Variants in LCP1 observed in about 807,000 individuals in gnomAD.
LCP1 encodes the protein lymphocyte cytosolic protein 1, also known as plastin-2.
A neutral mutation model predicts 72.0 loss-of-function variants in LCP1; 23 were observed. The observed-to-expected ratio is 0.32, with a 90% CI of 0.23 to 0.45. LCP1 has a LOEUF of 0.45. Ranked by LOEUF, LCP1 falls within the 20% of genes least tolerant of loss-of-function variation. The pLI is 1.00. For synonymous variants in LCP1, 245 were observed against 275.4 expected, an observed-to-expected ratio of 0.89 and a Z score of 1.09; for missense variants, 571 against 748.3, an observed-to-expected ratio of 0.76 and a Z score of 2.76.
At chr13:46,127,773 C>T (rs112963970) in intron 15 of LCP1, 50 bp from the exon 16 acceptor site, 46 of 1,606,840 alleles carry the variant, frequency 2.9e-5, no homozygotes, top group African/African-American at 6.7e-5. Context: ...AAACACAACA[C>T]GAATGGGACC....
chr13:46,150,047 C>T (rs373057375), intron 8 of LCP1, among the ~76,000 whole-genome samples: 1 of 152,178 alleles, frequency 6.6e-6, no homozygotes, highest in Non-Finnish European at 1.5e-5. Context: ...GTTCTAAATG[C>T]CACTGAATGC....
At chr13:46,133,605 GAC>G (rs1439067958) in intron 14 of LCP1, among the ~76,000 whole-genome samples, 2 of 152,028 alleles carry the variant, frequency 1.3e-5, no homozygotes, top group South Asian at 4.1e-4. Flanking sequence ...CAGCCTGGGT[GAC>G]AGAGTGAGAC....
chr13:46,128,003 G>GTTTTTT (rs11398954), intron 15 of LCP1, among the ~76,000 whole-genome samples: 1 of 126,956 alleles, frequency 7.9e-6, no homozygotes, highest in Non-Finnish European at 1.7e-5. Context: ...TTTAAGTTAA[G>GTTTTTT]TTTTTTTTTT....
intron 1 of LCP1, among the ~76,000 whole-genome samples, chr13:46,176,303 G>A (rs987324078): frequency 6.6e-6 from 1 of 152,044 alleles, no homozygotes; most frequent in Non-Finnish European, 1.5e-5. Flanking sequence ...AACATTACTA[G>A]GTACCCCATA....
Position 46,158,518 on chromosome 13 carries a change from C to T in LCP1, c.358+4G>A. On this transcript the variant is annotated splice_donor_region_variant and intron_variant, in intron 4 of 15. Transcript: ENST00000323076. ...TCCTGCTCCAACCCAGGAGTTGAGC[C>T]TACCTGAATAGGAGTGTTGGGTGCC... is the stretch of plus-strand genomic sequence containing the variant. 6.2e-7 allele frequency: 1 copy of T among 1,612,882 alleles called. No homozygotes were observed. Among genetic ancestry groups the T allele is most frequent in the South Asian group, 1.1e-5 (1 of 90,630 alleles).
intron 3 of LCP1, 80 bp from the exon 4 acceptor site, chr13:46,158,731 C>T: frequency 1.2e-6 from 2 of 1,603,442 alleles, no homozygotes; most frequent in Non-Finnish European, 8.5e-7. Context: ...AATGTCGAAG[C>T]AAGGAGGTAA....
chr13:46,137,857 G>A (rs984754067), intron 13 of LCP1, among the ~76,000 whole-genome samples: 7 of 152,200 alleles, frequency 4.6e-5, no homozygotes, highest in African/African-American at 1.7e-4. Flanking sequence ...GATGAGGTTT[G>A]GATGTGAGGC....
chr13:46,157,937 G>T (rs143905785), intron 4 of LCP1, among the ~76,000 whole-genome samples: 148 of 152,118 alleles, frequency 9.7e-4, no homozygotes, highest in African/African-American at 3.2e-3. Flanking sequence ...ATGTTGCCCA[G>T]GCTAGTCTTT....
rs2045607918 is a variant in LCP1, at chr13:46,127,716, T to C, written c.1759A>G (p.Ile587Val). Residue 587 changes from isoleucine to valine, a missense_variant, in exon 16 of 16, where the codon ATC becomes GTC. Physicochemically the swap from Ile to Val is conservative, Grantham distance 29 (BLOSUM62 3). Transcript: ENST00000323076. ...GCTCCAATTTTTCGGGCCATAGAGA[T>C]GGCATATCTAAAAGGGAGAAAAGAG... is the stretch of plus-strand genomic sequence containing the variant. ...DEKLNNAKYAISMARKIGARV... is the reference protein window; with the variant it reads ...DEKLNNAKYAVSMARKIGARV... 1 of 1,614,118 alleles carries C rather than the reference T, an allele frequency of 6.2e-7. No individual in the cohort carries two copies.
At chr13:46,168,167 A>G (rs189938503) in intron 1 of LCP1, among the ~76,000 whole-genome samples, 1 of 152,336 alleles carries the variant, frequency 6.6e-6, no homozygotes, top group African/African-American at 2.4e-5. Flanking sequence ...TAGGCTGTGT[A>G]ACTTTAGGCT....
chr13:46,162,807 G>A (rs2045850296), intron 1 of LCP1, among the ~76,000 whole-genome samples: 2 of 152,038 alleles, frequency 1.3e-5, no homozygotes, highest in Admixed American at 6.6e-5. Context: ...CCCCGTCTGG[G>A]ATGTGAGGAG....
chr13:46,157,190 CAT>C (rs1462378985), intron 4 of LCP1, among the ~76,000 whole-genome samples: 2 of 151,108 alleles, frequency 1.3e-5, no homozygotes, highest in Non-Finnish European at 2.9e-5. Context: ...CAAATATATA[CAT>C]ATGTTTATTT....
intron 15 of LCP1, among the ~76,000 whole-genome samples, chr13:46,129,270 T>G (rs1391048073): frequency 6.6e-6 from 1 of 152,198 alleles, no homozygotes; most frequent in Non-Finnish European, 1.5e-5. Context: ...GGCTCTGAAG[T>G]TGGACTTTGA....
intron 1 of LCP1, among the ~76,000 whole-genome samples, chr13:46,163,653 CAAT>C (rs1236893564): frequency 1.6e-5 from 2 of 125,486 alleles, no homozygotes; most frequent in Non-Finnish European, 3.4e-5. Flanking sequence ...AAAAAAAAAA[CAAT>C]GAGTTATTAA....
intron 1 of LCP1, among the ~76,000 whole-genome samples, chr13:46,173,191 T>A (rs1299254083): frequency 6.6e-6 from 1 of 152,232 alleles, no homozygotes; most frequent in Non-Finnish European, 1.5e-5. Flanking sequence ...ATGAATCAAC[T>A]AGGCAGTGAC....
At chr13:46,177,986 A>C (rs2045939847) in intron 1 of LCP1, among the ~76,000 whole-genome samples, 1 of 152,188 alleles carries the variant, frequency 6.6e-6, no homozygotes, top group African/African-American at 2.4e-5. Flanking sequence ...TTTGAGCTCA[A>C]CTTGAGGGCT....
Position 46,128,380 on chromosome 13 carries a change from C to T in LCP1, c.1752-657G>A, listed in dbSNP as rs537580445. Among the ~76,000 whole-genome samples the T allele has an allele frequency of 7.2e-5, 11 of 152,314 alleles. No homozygotes were observed. In the South Asian group the frequency reaches 1.9e-3, roughly 26 times the overall value. ...TCGGGTGGCCGAGGCGGGTGGATCA[C>T]AAGGTCAGGAGATCGAGACCATCCT... On this transcript the variant is annotated intron_variant, in intron 15 of 15. Transcript: ENST00000323076.
chr13:46,138,452 A>G (rs1980830), intron 13 of LCP1, among the ~76,000 whole-genome samples: 145,270 of 152,316 alleles, frequency 0.95, 69,336 homozygotes, highest in East Asian at 1. Flanking sequence ...CACGATTCTT[A>G]TGTAGTAAAC....
intron 5 of LCP1, among the ~76,000 whole-genome samples, chr13:46,155,423 G>A (rs2045794450): frequency 6.6e-6 from 1 of 152,124 alleles, no homozygotes; most frequent in South Asian, 2.1e-4. Flanking sequence ...GCAGATTGGG[G>A]GAAGACCATG....
Sources: gnomAD v4.1 joint callset for allele counts (sites outside exome capture counted in the v4.1 genomes callset) on GRCh38, gnomAD v4.1.1 for gene constraint, MANE v1.5 for transcripts, NCBI Gene and HGNC (gene_info 2026-07-23, HGNC 2026-07-21) for gene names.